AFF2: variants seen among roughly 807,000 people sequenced by gnomAD.
The protein encoded by AFF2 is ALF transcription elongation factor 2.
A neutral mutation model predicts 76.9 loss-of-function variants in AFF2; 14 were observed. That is an observed-to-expected ratio of 0.18 (90% confidence interval 0.12 to 0.28). The LOEUF (loss-of-function observed/expected upper bound fraction) is 0.28. Ranked by LOEUF, AFF2 falls within the 10% of genes least tolerant of loss-of-function variation. The pLI is 1.00. For missense variants in AFF2, 868 were observed against 1,001.1 expected (o/e 0.87, Z 1.79); for synonymous variants, 398 against 366.7 (o/e 1.09, Z -0.98).
At chrX:148,580,834 A>G (rs1331905914) in intron 1 of AFF2, among the ~76,000 whole-genome samples, 1 of 108,429 alleles carries the variant, frequency 9.2e-6, no homozygotes, top group African/African-American at 3.3e-5. Context: ...TAAATAACAA[A>G]TCAATTTTAT....
chrX:148,978,144 T>G (rs1031102374), intron 17 of AFF2, 140 bp downstream of exon 17: 2 of 514,803 alleles, frequency 3.9e-6, no homozygotes, highest in Non-Finnish European at 6.7e-6. Flanking sequence ...ATGGATTTCT[T>G]CAGTCACTGA....
chrX:148,723,847 C>G, intron 3 of AFF2, among the ~76,000 whole-genome samples: 1 of 110,777 alleles, frequency 9.0e-6, no homozygotes, highest in Non-Finnish European at 1.9e-5. Flanking sequence ...ACCTGTCCTT[C>G]TGTCCTTTAT....
At chrX:148,732,669 T>C (rs1280420296) in intron 3 of AFF2, among the ~76,000 whole-genome samples, 2 of 108,272 alleles carry the variant, frequency 1.8e-5, no homozygotes, top group Non-Finnish European at 3.8e-5. Flanking sequence ...TCTGATCTTG[T>C]TTAGCTTCTT....
At chrX:148,867,873 A>G (rs1603322147) in intron 7 of AFF2, among the ~76,000 whole-genome samples, 1 of 111,470 alleles carries the variant, frequency 9.0e-6, no homozygotes, top group East Asian at 2.9e-4. Flanking sequence ...GGTCCACACA[A>G]TGAAAAAGTC....
intron 9 of AFF2, among the ~76,000 whole-genome samples, chrX:148,916,057 C>T (rs1198751882): frequency 1.8e-5 from 2 of 111,671 alleles, no homozygotes; most frequent in Non-Finnish European, 3.8e-5. Context: ...CAGCAGAGCA[C>T]AGCTGTGCCC....
At chrX:148,556,083 G>A (rs1481049959) in intron 1 of AFF2, among the ~76,000 whole-genome samples, 2 of 112,174 alleles carry the variant, frequency 1.8e-5, no homozygotes, top group Non-Finnish European at 3.8e-5. Context: ...AGAGAGCAGA[G>A]GGAGAGAGCC....
At chrX:148,779,737 C>T (rs993919955) in intron 3 of AFF2, among the ~76,000 whole-genome samples, 1 of 111,961 alleles carries the variant, frequency 8.9e-6, no homozygotes, top group South Asian at 3.8e-4. Flanking sequence ...GGGCATTTAG[C>T]CCGTTTACAT....
chrX:148,956,868 A>C (rs1476926916), intron 11 of AFF2, among the ~76,000 whole-genome samples: 4 of 113,138 alleles, frequency 3.5e-5, no homozygotes, highest in African/African-American at 6.4e-5. Context: ...AAAAATATGA[A>C]GAAAGTCTCC....
At chrX:148,932,756 C>T (rs2071728983) in intron 9 of AFF2, among the ~76,000 whole-genome samples, 1 of 112,062 alleles carries the variant, frequency 8.9e-6, no homozygotes, top group African/African-American at 3.2e-5. Flanking sequence ...CTTTGTCAGT[C>T]GTTGAAACCA....
chrX:148,589,893 G>A (rs782274736), intron 1 of AFF2, among the ~76,000 whole-genome samples: 14 of 107,621 alleles, frequency 1.3e-4, no homozygotes, highest in Non-Finnish European at 2.3e-4. Flanking sequence ...TATTGTAACC[G>A]GAAAGGCCAT....
At chrX:148,912,746 A>G (rs782513450) in intron 9 of AFF2, among the ~76,000 whole-genome samples, 29 of 112,107 alleles carry the variant, frequency 2.6e-4, no homozygotes, top group Non-Finnish European at 5.4e-4. Context: ...AGTTGTTTTT[A>G]TGGATTGTAA....
chrX:148,713,731 T>G (rs2054995876), intron 3 of AFF2, among the ~76,000 whole-genome samples: 1 of 111,483 alleles, frequency 9.0e-6, no homozygotes, highest in Non-Finnish European at 1.9e-5. Flanking sequence ...TGTGAGGTAG[T>G]CAGTTCTCAA....
intron 7 of AFF2, among the ~76,000 whole-genome samples, chrX:148,869,749 A>G (rs1220356234): frequency 1.8e-5 from 2 of 111,996 alleles, no homozygotes; most frequent in Non-Finnish European, 3.8e-5. Flanking sequence ...AGATGTTAGA[A>G]GTCCAATAAC....
At chrX:148,579,905 C>T (rs1569551538) in intron 1 of AFF2, among the ~76,000 whole-genome samples, 2 of 111,415 alleles carry the variant, frequency 1.8e-5, no homozygotes, top group Admixed American at 9.6e-5. Flanking sequence ...GCCTGGAGTT[C>T]TTGTGTGTAC....
In AFF2 at chrX:148,932,681, C is replaced by G. The variant is rs955810933; in HGVS notation, c.1398-20899C>G. On this transcript the variant is annotated intron_variant, in intron 9 of 20. Coordinates refer to ENST00000370460, the MANE Select transcript of AFF2 (RefSeq NM_002025.4). ...ACACTTGTGTGAAGTACTCAACCCCCCTACCACTGAGTAGTTGCTCAATAA... is the reference window on the plus strand; with the variant it reads ...ACACTTGTGTGAAGTACTCAACCCCGCTACCACTGAGTAGTTGCTCAATAA... Among the ~76,000 whole-genome samples, 19 of 112,253 alleles carry G rather than the reference C, an allele frequency of 1.7e-4. 1 individual carries two copies. The highest frequency in any genetic ancestry group is 2.6e-4 in the Non-Finnish European group (14 of 53,260).
At chrX:148,501,726 A>T (rs1207999022) in intron 1 of AFF2, among the ~76,000 whole-genome samples, 4 of 113,369 alleles carry the variant, frequency 3.5e-5, no homozygotes, top group African/African-American at 1.3e-4. Flanking sequence ...TTTGGGGGCC[A>T]CCACTCAGGG....
intron 7 of AFF2, among the ~76,000 whole-genome samples, chrX:148,862,414 A>C (rs1211657766): frequency 1.8e-5 from 2 of 110,836 alleles, no homozygotes; most frequent in Admixed American, 1.9e-4. Context: ...ACTGAGAAAA[A>C]ATGCAATTAA....
At chrX:148,618,197 G>A (rs1008960024) in intron 1 of AFF2, among the ~76,000 whole-genome samples, 1 of 111,014 alleles carries the variant, frequency 9.0e-6, no homozygotes, top group Non-Finnish European at 1.9e-5. Flanking sequence ...TCTTACCTAA[G>A]GGACAGTTGA....
chrX:148,747,622 G>C (rs2055437317), intron 3 of AFF2, among the ~76,000 whole-genome samples: 1 of 111,091 alleles, frequency 9.0e-6, no homozygotes, highest in African/African-American at 3.3e-5. Flanking sequence ...TTTTCCTGCT[G>C]TTATTTTCAT....
Sources: gnomAD v4.1 joint callset for allele counts (sites outside exome capture counted in the v4.1 genomes callset) on GRCh38, gnomAD v4.1.1 for gene constraint, MANE v1.5 for transcripts, NCBI Gene and HGNC (gene_info 2026-07-23, HGNC 2026-07-21) for gene names.